Variants in HUWE1 observed in about 807,000 individuals in gnomAD.
HUWE1 encodes the protein HECT, UBA and WWE domain containing E3 ubiquitin protein ligase 1, also known as E3 ubiquitin-protein ligase HUWE1.
Under a neutral mutation model 299.4 loss-of-function variants are expected in HUWE1, and 18 were observed. The ratio of observed to expected loss-of-function variants is 0.06; its 90% CI spans 0.04 to 0.09. The LOEUF is 0.09. Ranked by LOEUF, HUWE1 falls within the 10% of genes least tolerant of loss-of-function variation. The probability of loss-of-function intolerance (pLI) is 1.00; values close to 1 mark genes in which losing one functional copy is unlikely to be tolerated. For missense variants in HUWE1, 1,832 were observed against 3,462.3 expected (o/e 0.53, Z 11.82); for synonymous variants, 1,317 against 1,286.1 (o/e 1.02, Z -0.51).
chrX:53,654,556 G>A (rs1485915011), intron 3 of HUWE1, among the ~76,000 whole-genome samples: 3 of 111,356 alleles, frequency 2.7e-5, no homozygotes, highest in African/African-American at 9.8e-5. Flanking sequence ...TTAACCACAA[G>A]AATCCATACT....
At position 53,535,547 on chromosome X, in the gene HUWE1, G is replaced by C. The variant is rs782443495; in HGVS notation, c.12532-46C>G. 4 of 829,454 alleles carry C rather than the reference G, an allele frequency of 4.8e-6. No individual in the cohort carries two copies. The African/African-American group carries it at 6.0e-5, about 13-fold the overall frequency. The allele number at this position is 829,454 out of a possible 1,213,427, so 68.4% of individuals were successfully genotyped here. On this transcript the variant is annotated intron_variant, in intron 80 of 83. Coordinates refer to ENST00000262854, the MANE Select transcript of HUWE1 (RefSeq NM_031407.7). ...ATCATACATATCAGACTTCATCTAG[G>C]ATGGGATTAGATACCTAGGAACACA... is the stretch of plus-strand genomic sequence containing the variant.
At chrX:53,627,900 C>T (rs781855716) in intron 15 of HUWE1, 21 bp from the exon 16 acceptor site, 3 of 1,198,612 alleles carry the variant, frequency 2.5e-6, no homozygotes, top group South Asian at 1.8e-5. Flanking sequence ...GAAAAAGAGG[C>T]AAAAACAATG....
At chrX:53,539,920 A>C in intron 74 of HUWE1, 108 bp from the exon 75 acceptor site, 1 of 742,834 alleles carries the variant, frequency 1.3e-6, no homozygotes, top group East Asian at 3.5e-5. Context: ...AGAGGGGACC[A>C]CTGGCCACTG....
At chrX:53,612,160 GAC>G (rs782631071) in intron 23 of HUWE1, among the ~76,000 whole-genome samples, 2 of 112,063 alleles carry the variant, frequency 1.8e-5, no homozygotes, top group South Asian at 7.4e-4. Flanking sequence ...GCTAAGTTTA[GAC>G]AGTCTCTTGC....
chrX:53,636,647 G>A (rs782762580), intron 7 of HUWE1, among the ~76,000 whole-genome samples: 7 of 111,729 alleles, frequency 6.3e-5, no homozygotes, highest in Non-Finnish European at 5.6e-5. Context: ...GCCTGAACCC[G>A]GGAGGCAGAG....
rs782477718 is a variant in HUWE1, at chrX:53,604,569, A to AC, written c.2742+19dup. The AC allele has an allele frequency of 4.1e-6, 5 of 1,207,251 alleles. No homozygotes were observed. The East Asian group carries it at 1.2e-4, about 29-fold the overall frequency. On this transcript the variant is annotated intron_variant, in intron 26 of 83. Transcript: ENST00000262854. ...TCACTGCCTTTAAATTAATATGTTC[A>AC]CCCCTAAGGTTATTTTTACCTGTCC...
intron 55 of HUWE1, 89 bp from the exon 56 acceptor site, chrX:53,560,505 T>C (rs1201443155): frequency 5.1e-6 from 4 of 789,187 alleles, no homozygotes; most frequent in Non-Finnish European, 7.5e-6. Context: ...GGGCCTTACT[T>C]CCTCACACGG....
Position 53,544,677 on chromosome X carries a change from T to G in HUWE1, c.11134A>C (p.Met3712Leu), listed in dbSNP as rs1556921182. The change falls in exon 72 of 84, where the codon ATG becomes CTG. Residue 3712 changes from methionine (M) to leucine (L), a missense_variant. By Grantham distance (15) the Met-to-Leu change is conservative. Transcript: ENST00000262854. Reference protein sequence around the residue: ...GRELQLPSMSMLTSKTSTQKF... With the variant: ...GRELQLPSMSLLTSKTSTQKF... ...TGGGTAGATGTCTTGGATGTCAACA[T>G]GGACATAGAAGGCAGCTGGAGCTCC... 1.7e-6 allele frequency: 2 copies of G among 1,206,169 alleles called. No homozygotes were observed. The highest frequency in any genetic ancestry group is 2.2e-6 in the Non-Finnish European group (2 of 893,307).
Position 53,617,058 on chromosome X carries a change from C to G in HUWE1, c.1869G>C (p.Gln623His), listed in dbSNP as rs149955783. The G allele has an allele frequency of 9.8e-5, 118 of 1,208,646 alleles. No individual in the cohort carries two copies. The highest frequency in any genetic ancestry group is 1.3e-4 in the Non-Finnish European group (118 of 894,008). ...LNARGLQSFVQCQPFERLFKV... is the reference protein window; with the variant it reads ...LNARGLQSFVHCQPFERLFKV... Reference sequence around the variant, plus strand: ...TGAAGAGGCGTTCAAAAGGCTGACACTGAACAAAAGACTGAAGACCTCGGG... The same window carrying G: ...TGAAGAGGCGTTCAAAAGGCTGACAGTGAACAAAAGACTGAAGACCTCGGG... The change falls in exon 21 of 84, where the codon CAG becomes CAC. Residue 623 changes from glutamine to histidine, a missense_variant. Gln to His is a conservative substitution (Grantham distance 24). Around this residue, in one of 15 missense-constraint regions of HUWE1, gnomAD observed 658 missense variants for 1,282.6 expected, o/e 0.51. Coordinates refer to ENST00000262854, the MANE Select transcript of HUWE1 (RefSeq NM_031407.7).
intron 76 of HUWE1, 99 bp from the exon 77 acceptor site, chrX:53,538,553 T>G: frequency 1.6e-6 from 1 of 636,543 alleles, no homozygotes; most frequent in Admixed American, 2.5e-5. Flanking sequence ...TCCTCTTCCT[T>G]ATTTCAGGGC....
intron 3 of HUWE1, among the ~76,000 whole-genome samples, chrX:53,667,074 A>C (rs190776411): frequency 6.5e-4 from 73 of 112,326 alleles, no homozygotes; most frequent in Non-Finnish European, 1.2e-3. Flanking sequence ...TAAGGAAAAA[A>C]ATCAGAAATA....
intron 4 of HUWE1, among the ~76,000 whole-genome samples, chrX:53,651,394 T>G (rs1376946467): frequency 9.0e-6 from 1 of 111,309 alleles, no homozygotes; most frequent in East Asian, 2.8e-4. Context: ...AGTCCCTCTG[T>G]ATCCACTGGG....
In HUWE1 at chrX:53,603,349, G is replaced by A. The variant is rs1556993164; in HGVS notation, c.2876+19C>T. The A allele has an allele frequency of 1.7e-6, 2 of 1,204,595 alleles. No homozygotes were observed. The highest frequency in any genetic ancestry group is 3.0e-5 in the East Asian group (1 of 33,707). The stretch of plus-strand genomic sequence containing the variant: ...GAACTTAGATAACAAAGTAATAAGA[G>A]AGAGAGCCATTCTCTTACCTGTTTG... On this transcript the variant is annotated intron_variant, in intron 27 of 83. Coordinates refer to ENST00000262854, the MANE Select transcript of HUWE1 (RefSeq NM_031407.7).
At chrX:53,636,446 G>A (rs1295574023) in intron 7 of HUWE1, among the ~76,000 whole-genome samples, 6 of 112,880 alleles carry the variant, frequency 5.3e-5, no homozygotes, top group Admixed American at 9.3e-5. Context: ...GGCCAGGTGC[G>A]GTGGCTCATG....
At chrX:53,583,004 T>A (rs2063696334) in intron 42 of HUWE1, among the ~76,000 whole-genome samples, 1 of 112,450 alleles carries the variant, frequency 8.9e-6, no homozygotes, top group Non-Finnish European at 1.9e-5. Flanking sequence ...TGTTTTTATT[T>A]TTTATAAGTA....
At chrX:53,608,300 ACT>A (rs782290843) in intron 24 of HUWE1, among the ~76,000 whole-genome samples, 2 of 111,728 alleles carry the variant, frequency 1.8e-5, no homozygotes, top group East Asian at 5.6e-4. Flanking sequence ...GAAAATTCAA[ACT>A]CTTCACTTTT....
At chrX:53,607,805 T>G (rs1317133481) in intron 24 of HUWE1, 106 bp from the exon 25 acceptor site, 5 of 528,284 alleles carry the variant, frequency 9.5e-6, no homozygotes, top group Non-Finnish European at 1.7e-5. Context: ...ATTAGTGTTT[T>G]CTATAGAGTA....
intron 27 of HUWE1, 55 bp downstream of exon 27, chrX:53,603,313 C>A: frequency 1.7e-6 from 2 of 1,165,910 alleles, no homozygotes; most frequent in Non-Finnish European, 2.3e-6. Flanking sequence ...AAGCAATCCT[C>A]CAGGCTCACC....
intron 47 of HUWE1, among the ~76,000 whole-genome samples, chrX:53,571,780 A>AC (rs2062840062): frequency 8.9e-6 from 1 of 111,901 alleles, no homozygotes; most frequent in Admixed American, 9.5e-5. Flanking sequence ...ATAATGCAAT[A>AC]CCACTACAAA....
Sources: allele counts gnomAD v4.1 joint callset (sites outside exome capture counted in the v4.1 genomes callset), GRCh38; gene constraint gnomAD v4.1.1; regional missense constraint gnomAD v4.1.1; transcripts MANE v1.5; gene names NCBI Gene and HGNC (gene_info 2026-07-23, HGNC 2026-07-21).